ABCA12: variants seen among roughly 807,000 people sequenced by gnomAD.
ABCA12 encodes ATP binding cassette subfamily A member 12.
A neutral mutation model predicts 293.5 loss-of-function variants in ABCA12; 156 were observed. The observed-to-expected ratio is 0.53, with a 90% CI of 0.47 to 0.61. The LOEUF (loss-of-function observed/expected upper bound fraction) is 0.61, where lower values mean the gene tolerates loss of function less well. Ranked by LOEUF, ABCA12 falls within the 20% of genes least tolerant of loss-of-function variation. ABCA12 has a pLI of 0.00. For synonymous variants in ABCA12, 1,063 were observed against 1,108.0 expected (o/e 0.96, Z 0.81); for missense variants, 2,797 against 3,090.2 (o/e 0.91, Z 2.25).
At chr2:215,064,310 T>G in intron 2 of ABCA12, 91 bp from the exon 3 acceptor site, 1 of 1,333,912 alleles carries the variant, frequency 7.5e-7, no homozygotes, top group Non-Finnish European at 1.1e-6. Flanking sequence ...GAAGTTAACC[T>G]CCTGGATTAC....
At chr2:215,020,811 C>G in intron 11 of ABCA12, 1 of 152,252 alleles carries the variant, frequency 6.6e-6, no homozygotes, top group South Asian at 2.1e-4. Context: ...GATCCTCCCA[C>G]CTTACCCTCT....
At chr2:215,010,519 C>A (rs779280396) in intron 17 of ABCA12, 49 bp from the exon 18 acceptor site, 15 of 1,595,046 alleles carry the variant, frequency 9.4e-6, no homozygotes, top group Non-Finnish European at 1.3e-5. Context: ...TACTTCAAAT[C>A]CATTTCCACA....
intron 30 of ABCA12, among the ~76,000 whole-genome samples, chr2:214,981,769 T>TTG (rs1699662620): frequency 7.1e-6 from 1 of 140,658 alleles, no homozygotes; most frequent in African/African-American, 2.6e-5. Context: ...TGGTTTTTTT[T>TTG]TTTTTTTTTT....
intron 2 of ABCA12, among the ~76,000 whole-genome samples, chr2:215,069,255 A>G (rs1216671917): frequency 6.6e-6 from 1 of 151,646 alleles, no homozygotes; most frequent in African/African-American, 2.4e-5. Flanking sequence ...CTTTGGATAC[A>G]GGGTCACAGT....
chr2:215,097,879 C>A (rs559552628), intron 2 of ABCA12, among the ~76,000 whole-genome samples: 1 of 152,198 alleles, frequency 6.6e-6, no homozygotes, highest in East Asian at 1.9e-4. Flanking sequence ...GATAAATCAA[C>A]AAAATAAAGA....
At chr2:215,005,230 T>C (rs143354355) in intron 19 of ABCA12, among the ~76,000 whole-genome samples, 250 of 152,252 alleles carry the variant, frequency 1.6e-3, no homozygotes, top group African/African-American at 5.9e-3. Flanking sequence ...ACACAATTAA[T>C]AAGGGCTAAG....
At chr2:214,935,762 A>C (rs1190869769) in intron 51 of ABCA12, among the ~76,000 whole-genome samples, 1 of 152,126 alleles carries the variant, frequency 6.6e-6, no homozygotes, top group East Asian at 1.9e-4. Context: ...ATGCCACTGC[A>C]CTCCAGCCTG....
At chr2:215,039,010 A>G (rs372139513) in intron 7 of ABCA12, 1 of 152,112 alleles carries the variant, frequency 6.6e-6, no homozygotes, top group Non-Finnish European at 1.5e-5. Flanking sequence ...AAAACAAAAC[A>G]TCATCAAAAA....
At chr2:214,943,077 C>G (rs1698458432) in intron 49 of ABCA12, 60 bp from the exon 50 acceptor site, 10 of 1,284,280 alleles carry the variant, frequency 7.8e-6, no homozygotes, top group Non-Finnish European at 1.1e-5. Context: ...GGTTGAAGTT[C>G]ATGAGCATAA....
intron 2 of ABCA12, among the ~76,000 whole-genome samples, chr2:215,102,718 C>T (rs918187584): frequency 2.0e-5 from 3 of 152,222 alleles, no homozygotes; most frequent in Non-Finnish European, 4.4e-5. Context: ...GCACATCTAA[C>T]TCTTCCACAT....
At chr2:215,026,062 T>C (rs1445426102) in intron 10 of ABCA12, among the ~76,000 whole-genome samples, 1 of 152,230 alleles carries the variant, frequency 6.6e-6, no homozygotes, top group African/African-American at 2.4e-5. Context: ...TTCCTGACTT[T>C]TGGATATACT....
intron 39 of ABCA12, among the ~76,000 whole-genome samples, chr2:214,961,633 G>C (rs537850799): frequency 6.6e-6 from 1 of 152,074 alleles, no homozygotes; most frequent in African/African-American, 2.4e-5. Context: ...CTTTTGCTCT[G>C]AGTAAAACAC....
intron 23 of ABCA12, among the ~76,000 whole-genome samples, chr2:214,994,586 C>T (rs375356341): frequency 4.0e-4 from 61 of 152,300 alleles, no homozygotes; most frequent in African/African-American, 1.4e-3. Flanking sequence ...CAAGTACTAA[C>T]TCATAAGGAA....
At chr2:215,041,803 T>C (rs1308322382) in intron 7 of ABCA12, among the ~76,000 whole-genome samples, 2 of 152,170 alleles carry the variant, frequency 1.3e-5, no homozygotes, top group Non-Finnish European at 2.9e-5. Context: ...AAACGTGCTA[T>C]ATAAACACAA....
intron 28 of ABCA12, among the ~76,000 whole-genome samples, chr2:214,985,467 C>T (rs1054980696): frequency 6.6e-6 from 1 of 152,040 alleles, no homozygotes; most frequent in Admixed American, 6.6e-5. Flanking sequence ...AGGCTTAATA[C>T]CTGAGTGATG....
In ABCA12 at chr2:215,011,616, G is replaced by A. The variant is rs1174122105; in HGVS notation, c.2155C>T (p.Gln719Ter). ...MYRSNRMNTP[Q>*]GSFSTISQAL... ...TGGGAGATGGTGCTAAATGATCCTT[G>A]TGGTGTGTTCATTCGGTTGCTTCTG... Residue 719 changes from glutamine to a stop codon, truncating the protein, a stop_gained, in exon 17 of 53, where the codon CAA becomes TAA. Transcript: ENST00000272895. LOFTEE classifies it high-confidence loss of function. 6 of 1,614,032 alleles carry A rather than the reference G, an allele frequency of 3.7e-6. No individual in the cohort carries two copies. The highest frequency in any genetic ancestry group is 5.1e-6 in the Non-Finnish European group (6 of 1,179,920).
intron 2 of ABCA12, among the ~76,000 whole-genome samples, chr2:215,094,556 A>G (rs1260005611): frequency 1.3e-5 from 2 of 152,050 alleles, no homozygotes; most frequent in African/African-American, 4.8e-5. Context: ...AACCTCTTCT[A>G]TGTAGGTCAC....
chr2:215,115,106 C>T (rs528482764), intron 1 of ABCA12, among the ~76,000 whole-genome samples: 3 of 152,078 alleles, frequency 2.0e-5, no homozygotes, highest in Admixed American at 6.6e-5. Flanking sequence ...ATACCAGAGA[C>T]GTTTAAGGCA....
chr2:215,119,856 G>A (rs1702767791), intron 1 of ABCA12, among the ~76,000 whole-genome samples: 1 of 150,904 alleles, frequency 6.6e-6, no homozygotes, highest in African/African-American at 2.4e-5. Context: ...ACTGTGGAAA[G>A]CAGTTTGGAG....
Sources: allele counts gnomAD v4.1 joint callset (sites outside exome capture counted in the v4.1 genomes callset), GRCh38; gene constraint gnomAD v4.1.1; transcripts MANE v1.5; gene names NCBI Gene and HGNC (gene_info 2026-07-23, HGNC 2026-07-21).